Variants in SHANK2 observed in about 807,000 individuals in gnomAD.
The protein encoded by SHANK2 is SH3 and multiple ankyrin repeat domains protein 2.
Under a neutral mutation model 133.7 loss-of-function variants are expected in SHANK2, and 43 were observed. The observed-to-expected ratio is 0.32, with a 90% CI of 0.25 to 0.41. The LOEUF is 0.41. Ranked by LOEUF, SHANK2 falls within the 10% of genes least tolerant of loss-of-function variation. The pLI is 1.00. For missense variants in SHANK2, 1,994 were observed against 2,235.8 expected (o/e 0.89, Z 2.18); for synonymous variants, 1,017 against 952.8 (o/e 1.07, Z -1.24).
At chr11:70,490,108 G>A in intron 23 of SHANK2, 168 bp downstream of exon 23, 1 of 631,158 alleles carries the variant, frequency 1.6e-6, no homozygotes, top group Non-Finnish European at 2.9e-6. Context: ...TGGCTCCCTA[G>A]TGGGCAAGGC....
At chr11:70,933,913 A>C (rs1950534817) in intron 10 of SHANK2, among the ~76,000 whole-genome samples, 1 of 145,692 alleles carries the variant, frequency 6.9e-6, no homozygotes, top group African/African-American at 2.5e-5. Context: ...AAAAAAAAAA[A>C]ACAAAAAACA....
intron 15 of SHANK2, among the ~76,000 whole-genome samples, chr11:70,669,901 C>T (rs1389832903): frequency 6.6e-6 from 1 of 152,350 alleles, no homozygotes; most frequent in East Asian, 1.9e-4. Context: ...GTGTATCACT[C>T]ACGGCCAAAC....
At chr11:70,902,489 G>A (rs1950037330) in intron 10 of SHANK2, among the ~76,000 whole-genome samples, 1 of 152,196 alleles carries the variant, frequency 6.6e-6, no homozygotes, top group Non-Finnish European at 1.5e-5. Context: ...CTGTGCCCTT[G>A]GGGGCTGCCT....
chr11:71,119,432 T>G (rs1285380695), intron 3 of SHANK2, among the ~76,000 whole-genome samples: 1 of 152,004 alleles, frequency 6.6e-6, no homozygotes, highest in South Asian at 2.1e-4. Flanking sequence ...ATACAAAAAT[T>G]TGCTGGGCAT....
chr11:70,538,288 C>T (rs1396909969), intron 17 of SHANK2, among the ~76,000 whole-genome samples: 1 of 152,242 alleles, frequency 6.6e-6, no homozygotes, highest in Admixed American at 6.5e-5. Context: ...CAGTCCTTCC[C>T]CCAGAATTAG....
intron 9 of SHANK2, among the ~76,000 whole-genome samples, chr11:71,074,334 G>T (rs1235702785): frequency 6.6e-6 from 1 of 152,160 alleles, no homozygotes; most frequent in African/African-American, 2.4e-5. Context: ...TGCAAATCAG[G>T]TGTCTGATGG....
chr11:70,539,776 G>T (rs935670618), intron 17 of SHANK2, among the ~76,000 whole-genome samples: 1 of 152,118 alleles, frequency 6.6e-6, no homozygotes, highest in Non-Finnish European at 1.5e-5. Flanking sequence ...TCTCTCCCGG[G>T]GGGGCCGTAG....
At chr11:70,781,575 T>TATATATATATATATATATATATATAC (rs1947495730) in intron 14 of SHANK2, among the ~76,000 whole-genome samples, 1 of 121,658 alleles carries the variant, frequency 8.2e-6, no homozygotes, top group African/African-American at 3.1e-5. Flanking sequence ...TATATATATA[T>TATATATATATATATATATATATATAC]ATATATATTT....
rs73522149 is a variant in SHANK2 at position 70,536,083 on chromosome 11, C to T, written c.2062-33152G>A. On this transcript the variant is annotated intron_variant, in intron 17 of 25. Transcript: ENST00000601538. ...ACCTGCACCCCCAGGCCCCAGCCAC[C>T]GACAGCACCATGCCTGCCCCCTGGG... 6.0e-3 allele frequency among the ~76,000 whole-genome samples: 907 copies of T among 152,336 alleles called. 12 individuals carry two copies. Among genetic ancestry groups the T allele is most frequent in the African/African-American group, 0.021 (884 of 41,574 alleles).
intron 15 of SHANK2, among the ~76,000 whole-genome samples, chr11:70,685,732 C>A (rs1945132818): frequency 6.6e-6 from 1 of 152,110 alleles, no homozygotes; most frequent in Non-Finnish European, 1.5e-5. Flanking sequence ...CCTTAGACTG[C>A]CCTGAGCACT....
At chr11:71,109,101 C>T (rs1951847075) in intron 6 of SHANK2, among the ~76,000 whole-genome samples, 1 of 152,184 alleles carries the variant, frequency 6.6e-6, no homozygotes, top group South Asian at 2.1e-4. Flanking sequence ...AGGGCTGGCA[C>T]ACTCAAGACA....
intron 14 of SHANK2, among the ~76,000 whole-genome samples, chr11:70,700,201 G>GGA (rs1439631797): frequency 6.6e-6 from 1 of 152,114 alleles, no homozygotes; most frequent in Non-Finnish European, 1.5e-5. Flanking sequence ...AAACACAACA[G>GGA]GACTCCCCAA....
At chr11:71,195,511 A>ATG (rs1180257116) in intron 2 of SHANK2, among the ~76,000 whole-genome samples, 1 of 152,220 alleles carries the variant, frequency 6.6e-6, no homozygotes, top group Non-Finnish European at 1.5e-5. Context: ...AAGTGAAAAC[A>ATG]TTTCTTAGAT....
intron 14 of SHANK2, among the ~76,000 whole-genome samples, chr11:70,735,200 C>T (rs1222082741): frequency 3.9e-5 from 6 of 152,154 alleles, no homozygotes; most frequent in Middle Eastern, 3.2e-3. Context: ...AGAGAGGCGG[C>T]GGGGACTGAG....
chr11:70,532,307 C>T (rs999684798), intron 17 of SHANK2, among the ~76,000 whole-genome samples: 1 of 152,120 alleles, frequency 6.6e-6, no homozygotes, highest in African/African-American at 2.4e-5. Flanking sequence ...GTTCACTCCA[C>T]AAGGGGGTCT....
chr11:70,867,470 G>T (rs1261606798), intron 11 of SHANK2, among the ~76,000 whole-genome samples: 16 of 152,222 alleles, frequency 1.1e-4, no homozygotes, highest in African/African-American at 3.9e-4. Flanking sequence ...GGGGAGTACG[G>T]CATGCGCATG....
At chr11:71,148,804 G>A (rs879997011) in intron 2 of SHANK2, among the ~76,000 whole-genome samples, 4 of 152,178 alleles carry the variant, frequency 2.6e-5, no homozygotes, top group East Asian at 1.9e-4. Flanking sequence ...GGCAATTCAC[G>A]GAAGGATTCA....
chr11:71,237,265 A>G (rs1954836463), intron 1 of SHANK2, among the ~76,000 whole-genome samples: 2 of 152,184 alleles, frequency 1.3e-5, no homozygotes, highest in African/African-American at 2.4e-5. Flanking sequence ...CAACTTGCAG[A>G]ACCATGAGCT....
chr11:70,863,677 T>C, intron 11 of SHANK2: 2 of 421,554 alleles, frequency 4.7e-6, no homozygotes, highest in South Asian at 1.8e-5. Context: ...GCTGGGGGTA[T>C]GGGGAAGAGG....
Sources: allele counts gnomAD v4.1 joint callset (sites outside exome capture counted in the v4.1 genomes callset), GRCh38; gene constraint gnomAD v4.1.1; transcripts MANE v1.5; gene names NCBI Gene and HGNC (gene_info 2026-07-23, HGNC 2026-07-21).